LRRC4C: variants seen among roughly 807,000 people sequenced by gnomAD.
LRRC4C encodes the protein leucine-rich repeat-containing protein 4C.
Under a neutral mutation model 33.6 loss-of-function variants are expected in LRRC4C, and 5 were observed. That is an observed-to-expected ratio of 0.15 (90% CI 0.08 to 0.31). LRRC4C has a LOEUF of 0.31. Among genes scored for constraint, LRRC4C ranks in the 10% least tolerant of loss-of-function variants. The pLI is 1.00. For missense variants in LRRC4C, 560 were observed against 796.7 expected, an observed-to-expected ratio of 0.70 and a Z score of 3.58; for synonymous variants, 329 against 302.0, an observed-to-expected ratio of 1.09 and a Z score of -0.93.
In LRRC4C at chr11:40,555,535, G is replaced by A. The variant is rs374361327; in HGVS notation, c.-270+92607C>T. ...TCTCACTCAGATGCAGACTCTCTGA[G>A]AAAGAATCAAAGAACATTTAGCAAG... On this transcript the variant is annotated intron_variant, in intron 3 of 6. Coordinates refer to ENST00000528697, the MANE Select transcript of LRRC4C (RefSeq NM_001258419.2). Among the ~76,000 whole-genome samples, 8 of 152,282 alleles carry A rather than the reference G, an allele frequency of 5.3e-5. No individual in the cohort carries two copies. The East Asian group carries it at 1.4e-3, about 26-fold the overall frequency.
chr11:40,854,720 A>AAT (rs1379740431), intron 2 of LRRC4C, among the ~76,000 whole-genome samples: 1 of 150,952 alleles, frequency 6.6e-6, no homozygotes, highest in South Asian at 2.1e-4. Flanking sequence ...AGTGTATATT[A>AAT]ATATATATAT....
chr11:40,906,284 G>A (rs1435380657), intron 2 of LRRC4C, among the ~76,000 whole-genome samples: 1 of 152,214 alleles, frequency 6.6e-6, no homozygotes, highest in Non-Finnish European at 1.5e-5. Flanking sequence ...GCCAAGGCGG[G>A]TGAATCACCT....
At chr11:41,354,097 C>T (rs1213354911) in intron 1 of LRRC4C, among the ~76,000 whole-genome samples, 3 of 152,142 alleles carry the variant, frequency 2.0e-5, no homozygotes, top group Non-Finnish European at 4.4e-5. Context: ...TCTCTCTTTG[C>T]AGACGATATA....
intron 2 of LRRC4C, among the ~76,000 whole-genome samples, chr11:40,662,284 A>G (rs1943479562): frequency 6.6e-6 from 1 of 152,108 alleles, no homozygotes; most frequent in Non-Finnish European, 1.5e-5. Flanking sequence ...TACCCCTGTT[A>G]AGTCCAGCTT....
At chr11:41,320,484 TG>T (rs1310741909) in intron 1 of LRRC4C, among the ~76,000 whole-genome samples, 16 of 152,216 alleles carry the variant, frequency 1.1e-4, no homozygotes, top group Middle Eastern at 3.2e-3. Context: ...ATGTCTATGG[TG>T]CATTACACTG....
At chr11:41,306,265 C>T (rs1042833195) in intron 1 of LRRC4C, among the ~76,000 whole-genome samples, 5 of 152,218 alleles carry the variant, frequency 3.3e-5, no homozygotes, top group Non-Finnish European at 7.3e-5. Flanking sequence ...ACTATTACCA[C>T]TACTAGTTCT....
At chr11:40,443,427 G>A (rs990251154) in intron 3 of LRRC4C, among the ~76,000 whole-genome samples, 8 of 152,120 alleles carry the variant, frequency 5.3e-5, no homozygotes, top group African/African-American at 1.9e-4. Flanking sequence ...ACTTTGTTCT[G>A]GATTGCAGAG....
intron 2 of LRRC4C, among the ~76,000 whole-genome samples, chr11:40,932,327 C>A (rs1957664622): frequency 6.6e-6 from 1 of 152,010 alleles, no homozygotes; most frequent in Non-Finnish European, 1.5e-5. Context: ...AAAAATAGAT[C>A]CTTCTTCTAT....
intron 3 of LRRC4C, among the ~76,000 whole-genome samples, chr11:40,633,885 A>T (rs1963728186): frequency 6.6e-6 from 1 of 152,242 alleles, no homozygotes; most frequent in Non-Finnish European, 1.5e-5. Context: ...CAATGAAGTT[A>T]TAAAAATGAA....
intron 1 of LRRC4C, among the ~76,000 whole-genome samples, chr11:41,131,245 A>G (rs544301674): frequency 6.6e-6 from 1 of 152,144 alleles, no homozygotes; most frequent in African/African-American, 2.4e-5. Flanking sequence ...TGCTTAAAGG[A>G]GATATGCTGA....
At chr11:40,689,746 G>A (rs1236721605) in intron 2 of LRRC4C, among the ~76,000 whole-genome samples, 4 of 151,996 alleles carry the variant, frequency 2.6e-5, no homozygotes, top group Non-Finnish European at 5.9e-5. Context: ...TCCCTTTTAG[G>A]TTTCTATTAT....
chr11:40,895,642 C>A (rs1162234561), intron 2 of LRRC4C, among the ~76,000 whole-genome samples: 3 of 152,118 alleles, frequency 2.0e-5, no homozygotes, highest in Non-Finnish European at 4.4e-5. Context: ...GAACCCAAGT[C>A]TCTAAAAAAT....
At chr11:40,210,511 T>C (rs1863515275) in intron 5 of LRRC4C, among the ~76,000 whole-genome samples, 1 of 152,100 alleles carries the variant, frequency 6.6e-6, no homozygotes, top group Admixed American at 6.6e-5. Context: ...CTATTTTGCT[T>C]TACCTGCTGC....
chr11:41,243,516 G>C (rs1167205217), intron 1 of LRRC4C, among the ~76,000 whole-genome samples: 1 of 152,134 alleles, frequency 6.6e-6, no homozygotes, highest in Non-Finnish European at 1.5e-5. Flanking sequence ...TCCCAGATAA[G>C]TATTTCCTTC....
At chr11:40,995,878 T>C (rs1853935723) in intron 1 of LRRC4C, among the ~76,000 whole-genome samples, 1 of 152,156 alleles carries the variant, frequency 6.6e-6, no homozygotes, top group Admixed American at 6.6e-5. Context: ...CCTTTGTTTA[T>C]CCCTGCTATG....
chr11:40,545,891 T>C (rs1956893137), intron 3 of LRRC4C, among the ~76,000 whole-genome samples: 3 of 152,028 alleles, frequency 2.0e-5, no homozygotes, highest in Admixed American at 2.0e-4. Context: ...CAACTTGTCA[T>C]TACGTTCATC....
intron 1 of LRRC4C, among the ~76,000 whole-genome samples, chr11:41,378,103 T>C (rs998585613): frequency 2.6e-5 from 4 of 152,062 alleles, no homozygotes; most frequent in African/African-American, 9.7e-5. Context: ...GAAATGTACT[T>C]AATTACCACT....
intron 1 of LRRC4C, among the ~76,000 whole-genome samples, chr11:41,442,630 C>T (rs1407026054): frequency 6.6e-6 from 1 of 151,720 alleles, no homozygotes; most frequent in Non-Finnish European, 1.5e-5. Flanking sequence ...TCACCACGCC[C>T]AGCTAATTTT....
chr11:40,822,644 T>C (rs1951985506), intron 2 of LRRC4C, among the ~76,000 whole-genome samples: 1 of 151,812 alleles, frequency 6.6e-6, no homozygotes, highest in South Asian at 2.1e-4. Context: ...ACTTTGTTGG[T>C]GGTTTTCTTT....
Sources: allele counts gnomAD v4.1 joint callset (sites outside exome capture counted in the v4.1 genomes callset), GRCh38; gene constraint gnomAD v4.1.1; transcripts MANE v1.5; gene names NCBI Gene and HGNC (gene_info 2026-07-23, HGNC 2026-07-21).